Variants in MGLL observed in about 807,000 individuals in gnomAD.
MGLL encodes lysophospholipase homolog.
MGLL carries 7 observed loss-of-function variants against 29.1 expected under a neutral mutation model. The observed-to-expected ratio is 0.24, with a 90% CI of 0.14 to 0.45. The LOEUF (loss-of-function observed/expected upper bound fraction) is 0.45. MGLL is among the 20% of genes least tolerant of loss of function. MGLL has a pLI of 0.99. For missense variants in MGLL, 356 were observed against 413.6 expected, an observed-to-expected ratio of 0.86 and a Z score of 1.21; for synonymous variants, 148 against 168.3, an observed-to-expected ratio of 0.88 and a Z score of 0.93.
At chr3:127,760,768 G>A in intron 3 of MGLL, among the ~76,000 whole-genome samples, 1 of 152,234 alleles carries the variant, frequency 6.6e-6, no homozygotes, top group East Asian at 1.9e-4. Context: ...AGTTAAAACT[G>A]TAGCAAGGTG....
chr3:127,735,876 A>AT, intron 3 of MGLL: 1 of 1,579,034 alleles, frequency 6.3e-7, no homozygotes, highest in South Asian at 1.1e-5. Context: ...ACTTACAAGG[A>AT]TTTTCTCCTG....
At chr3:127,722,967 C>T (rs62270461) in intron 3 of MGLL, among the ~76,000 whole-genome samples, 8,319 of 152,310 alleles carry the variant, frequency 0.055, 300 homozygotes, top group South Asian at 0.075. Context: ...TGTTCCTTGC[C>T]CCTGGCAGCT....
chr3:127,781,825 T>C lies in MGLL; in HGVS notation c.226A>G (p.Met76Val). ...GCGAACACCAGCAGGTCCAGCCCCATCAGCATCCGAGCCAGCTCTTCATAG... is the reference window on the plus strand; with the variant it reads ...GCGAACACCAGCAGGTCCAGCCCCACCAGCATCCGAGCCAGCTCTTCATAG... ...GRYEELARML[M>V]GLDLLVFAHD... The change falls in exon 3 of 8, where the codon ATG (methionine) becomes GTG (valine). Residue 76 changes from methionine (M) to valine (V), a missense_variant. Met to Val is a conservative substitution (Grantham distance 21). Coordinates refer to ENST00000265052, the MANE Select transcript of MGLL (RefSeq NM_007283.7). The C allele has an allele frequency of 3.1e-6, 5 of 1,614,068 alleles. No homozygotes were observed. Among genetic ancestry groups the C allele is most frequent in the Non-Finnish European group, 4.2e-6 (5 of 1,180,022 alleles).
chr3:127,779,036 T>A (rs2077081365), intron 3 of MGLL, among the ~76,000 whole-genome samples: 1 of 152,184 alleles, frequency 6.6e-6, no homozygotes, highest in Admixed American at 6.5e-5. Flanking sequence ...ACTACAGGTG[T>A]GAGCCATTGC....
intron 3 of MGLL, among the ~76,000 whole-genome samples, chr3:127,742,384 G>A (rs961908820): frequency 6.6e-6 from 1 of 152,110 alleles, no homozygotes. Context: ...GAGGTCAGAA[G>A]TTCAAGACCA....
At chr3:127,773,259 C>T (rs959677132) in intron 3 of MGLL, among the ~76,000 whole-genome samples, 3 of 152,236 alleles carry the variant, frequency 2.0e-5, no homozygotes, top group African/African-American at 7.2e-5. Context: ...ATTCTAGACC[C>T]CTTGAACTCT....
intron 2 of MGLL, among the ~76,000 whole-genome samples, chr3:127,791,785 C>T (rs2077304467): frequency 6.6e-6 from 1 of 152,220 alleles, no homozygotes; most frequent in Non-Finnish European, 1.5e-5. Flanking sequence ...TAACATGCAG[C>T]ATCTGTTGGG....
chr3:127,821,675 CT>C lies in MGLL; in HGVS notation c.155+18del. On this transcript the variant is annotated intron_variant, in intron 2 of 7. Coordinates refer to ENST00000265052, the MANE Select transcript of MGLL (RefSeq NM_007283.7). ...CATGCTCCCCTGTCACCTGGGGTGA[CT>C]TTCTGGGGAAGACTTACTTGGGTGT... 6.2e-7 allele frequency: 1 copy of C among 1,613,920 alleles called. No individual in the cohort carries two copies. The highest frequency in any genetic ancestry group is 8.5e-7 in the Non-Finnish European group (1 of 1,179,808).
chr3:127,734,985 C>T (rs867785062), intron 3 of MGLL, among the ~76,000 whole-genome samples: 7 of 152,250 alleles, frequency 4.6e-5, no homozygotes, highest in African/African-American at 1.7e-4. Context: ...ATAAGACAGA[C>T]GATCACTGTG....
chr3:127,808,128 A>G (rs1448691764), intron 2 of MGLL, among the ~76,000 whole-genome samples: 1 of 152,080 alleles, frequency 6.6e-6, no homozygotes, highest in African/African-American at 2.4e-5. Context: ...AACCTCCAAC[A>G]TGACCATAGC....
chr3:127,744,964 A>C (rs2076414814), intron 3 of MGLL, among the ~76,000 whole-genome samples: 1 of 152,176 alleles, frequency 6.6e-6, no homozygotes, highest in South Asian at 2.1e-4. Flanking sequence ...GACAGAGACC[A>C]TGTTTTGGCT....
intron 6 of MGLL, among the ~76,000 whole-genome samples, chr3:127,696,201 T>G (rs528433783): frequency 2.0e-5 from 3 of 152,258 alleles, no homozygotes; most frequent in African/African-American, 7.2e-5. Flanking sequence ...GGATCTTGCC[T>G]TTCAAGGGGC....
intron 2 of MGLL, among the ~76,000 whole-genome samples, chr3:127,794,443 T>C (rs1435651316): frequency 6.6e-6 from 1 of 152,190 alleles, no homozygotes; most frequent in Admixed American, 6.5e-5. Flanking sequence ...TCTTCTATGA[T>C]GTAAGGATGT....
intron 3 of MGLL, among the ~76,000 whole-genome samples, chr3:127,751,310 T>G (rs2076553815): frequency 6.6e-6 from 1 of 151,920 alleles, no homozygotes; most frequent in African/African-American, 2.4e-5. Context: ...GGCTGGAGTC[T>G]GTGCTTGTGA....
chr3:127,728,694 C>G (rs1166584619), intron 3 of MGLL, among the ~76,000 whole-genome samples: 1 of 152,194 alleles, frequency 6.6e-6, no homozygotes, highest in Non-Finnish European at 1.5e-5. Context: ...TAAACTTGGA[C>G]TATTTTATGT....
intron 3 of MGLL, among the ~76,000 whole-genome samples, chr3:127,742,534 G>A (rs1440339413): frequency 7.0e-6 from 1 of 142,942 alleles, no homozygotes; most frequent in African/African-American, 2.6e-5. Context: ...AGATTGCAGT[G>A]AGCTGGGATG....
chr3:127,735,826 C>G (rs764835022), intron 3 of MGLL: 2 of 1,598,240 alleles, frequency 1.3e-6, no homozygotes, highest in Non-Finnish European at 1.7e-6. Flanking sequence ...TCGCATCCTT[C>G]CAGGGGAAGA....
At chr3:127,726,176 GAAA>G (rs2076035358) in intron 3 of MGLL, among the ~76,000 whole-genome samples, 1 of 47,106 alleles carries the variant, frequency 2.1e-5, no homozygotes, top group African/African-American at 8.4e-5. Context: ...AAGAAAGAAA[GAAA>G]GAAAGAAAAG....
chr3:127,730,443 C>A (rs2076128690), intron 3 of MGLL, among the ~76,000 whole-genome samples: 1 of 152,242 alleles, frequency 6.6e-6, no homozygotes, highest in African/African-American at 2.4e-5. Flanking sequence ...AGCATACGCA[C>A]ACGTTCCTGC....
Sources: gnomAD v4.1 joint callset for allele counts (sites outside exome capture counted in the v4.1 genomes callset) on GRCh38, gnomAD v4.1.1 for gene constraint, MANE v1.5 for transcripts, NCBI Gene and HGNC (gene_info 2026-07-23, HGNC 2026-07-21) for gene names.